Variants in FBXW12 observed in about 807,000 individuals in gnomAD.
FBXW12 encodes the protein F-box and WD repeat domain containing 12.
In FBXW12, 43 loss-of-function variants were observed where a neutral mutation model predicts 55.3. That is an observed-to-expected ratio of 0.78 (90% CI 0.61 to 1.00). FBXW12 has a LOEUF of 1.00. Ranked by LOEUF, FBXW12 falls within the 50% of genes least tolerant of loss-of-function variation. The pLI is 0.00. For missense variants in FBXW12, 524 were observed against 560.5 expected (o/e 0.93, Z 0.66); for synonymous variants, 184 against 203.8 (o/e 0.90, Z 0.83).
chr3:48,383,632 A>G (rs75785576), intron 10 of FBXW12, among the ~76,000 whole-genome samples: 3,233 of 152,308 alleles, frequency 0.021, 105 homozygotes, highest in African/African-American at 0.07. Context: ...GATTGTATCT[A>G]TGAAATCTTT....
In FBXW12 at chr3:48,378,412, A is replaced by T; in HGVS notation, c.501A>T (p.Lys167Asn). The change falls in exon 6 of 11, where the codon AAA becomes AAT. Residue 167 changes from lysine to asparagine, a missense_variant. Lys to Asn is a moderately conservative substitution (Grantham distance 94). Transcript: ENST00000296438. ...ATCTCGCCATCACTATGGATCGGAA[A>T]AAAACTATCAAAGTGTGGAACTGTC... ...QMHLAITMDRKKTIKVWNCQD... is the reference protein window; with the variant it reads ...QMHLAITMDRNKTIKVWNCQD... The T allele has an allele frequency of 6.2e-7, 1 of 1,614,036 alleles. No homozygotes were observed. Among genetic ancestry groups the T allele is most frequent in the East Asian group, 2.2e-5 (1 of 44,868 alleles).
intron 10 of FBXW12, among the ~76,000 whole-genome samples, chr3:48,382,847 T>G (rs2036797637): frequency 6.6e-6 from 1 of 152,236 alleles, no homozygotes; most frequent in African/African-American, 2.4e-5. Flanking sequence ...CTGCTTATAG[T>G]GCTTTTTTGG....
At chr3:48,381,472 G>T (rs935695418) in intron 8 of FBXW12, among the ~76,000 whole-genome samples, 17 of 152,120 alleles carry the variant, frequency 1.1e-4, no homozygotes, top group African/African-American at 4.1e-4. Context: ...CCAGGGGATT[G>T]TTTATTGTCC....
Position 48,382,044 on chromosome 3 carries a change from C to A in FBXW12, c.1254C>A (p.Cys418Ter). The A allele has an allele frequency of 3.7e-6, 6 of 1,614,178 alleles. No homozygotes were observed. The highest frequency in any genetic ancestry group is 5.1e-6 in the Non-Finnish European group (6 of 1,180,038). ...EGGRHPYLRSCCHLENTWHDH... is the reference protein window; with the variant it reads ...EGGRHPYLRS ...GCCGCCATCCATACCTCAGGAGCTG[C>A]TGTCACCTGGAAAACACGTGGCATG... The change falls in exon 10 of 11, where the codon TGC becomes TGA. Residue 418 changes from cysteine (C) to a stop codon, truncating the protein, a stop_gained. Transcript: ENST00000296438. LOFTEE classifies it low-confidence loss of function (END_TRUNC).
chr3:48,383,922 G>A (rs2036811721), intron 10 of FBXW12, among the ~76,000 whole-genome samples: 1 of 152,102 alleles, frequency 6.6e-6, no homozygotes, highest in Non-Finnish European at 1.5e-5. Flanking sequence ...ATCTATATAT[G>A]TATCTCTTAT....
rs28464683 is a variant in FBXW12, at chr3:48,394,710, G to C, written c.*51G>C. On this transcript the variant is annotated 3_prime_UTR_variant, in exon 11 of 11. Coordinates refer to ENST00000296438, the MANE Select transcript of FBXW12 (RefSeq NM_207102.2). ...GCATCATCTTCTGCAATGTAGTAAAGAAATTCTATTTGCAAGCCCAGAATG... is the reference window on the plus strand; with the variant it reads ...GCATCATCTTCTGCAATGTAGTAAACAAATTCTATTTGCAAGCCCAGAATG... 1 of 997,674 alleles carries C rather than the reference G, an allele frequency of 1.0e-6. No individual in the cohort carries two copies. The highest frequency in any genetic ancestry group is 1.5e-6 in the Non-Finnish European group (1 of 645,954). The allele number at this position is 997,674 out of a possible 1,614,324, so 61.8% of individuals were successfully genotyped here.
chr3:48,372,625 G>C, intron 1 of FBXW12, 59 bp from the exon 2 acceptor site: 3 of 1,559,552 alleles, frequency 1.9e-6, no homozygotes, highest in Non-Finnish European at 2.6e-6. Flanking sequence ...CCGGGAGTCT[G>C]CACACCTGCA....
At chr3:48,388,956 C>G (rs1475078313) in intron 10 of FBXW12, among the ~76,000 whole-genome samples, 1 of 152,124 alleles carries the variant, frequency 6.6e-6, no homozygotes, top group Non-Finnish European at 1.5e-5. Context: ...GAATTTATTC[C>G]TCCTGAAGAA....
chr3:48,389,705 C>T (rs1180311097), intron 10 of FBXW12, among the ~76,000 whole-genome samples: 1 of 152,174 alleles, frequency 6.6e-6, no homozygotes, highest in Non-Finnish European at 1.5e-5. Flanking sequence ...TTAGGTCCCA[C>T]TTACCGATTT....
In FBXW12 at chr3:48,394,557, C is replaced by T; in HGVS notation, c.1296-3C>T. On this transcript the variant is annotated splice_polypyrimidine_tract_variant and splice_region_variant and intron_variant, in intron 10 of 10. Coordinates refer to ENST00000296438, the MANE Select transcript of FBXW12 (RefSeq NM_207102.2). ...ACTGATGATCTTATTTTTCCATTGA[C>T]AGCTGCATCTCCAGTGTGATGTGTG... The T allele has an allele frequency of 2.5e-6, 4 of 1,569,250 alleles. No homozygotes were observed. Among genetic ancestry groups the T allele is most frequent in the Non-Finnish European group, 3.5e-6 (4 of 1,146,646 alleles).
chr3:48,379,644 C>T, intron 7 of FBXW12, 86 bp downstream of exon 7: 1 of 1,083,190 alleles, frequency 9.2e-7, no homozygotes, highest in Non-Finnish European at 1.4e-6. Flanking sequence ...TCAGTGAGGA[C>T]CAGGCACACT....
At chr3:48,383,030 C>A (rs1432933210) in intron 10 of FBXW12, among the ~76,000 whole-genome samples, 1 of 152,184 alleles carries the variant, frequency 6.6e-6, no homozygotes, top group Admixed American at 6.5e-5. Context: ...GTTTAAATTA[C>A]CATCGTATAT....
At chr3:48,373,825 T>G (rs550292599) in intron 4 of FBXW12, 120 bp downstream of exon 4, 2 of 938,678 alleles carry the variant, frequency 2.1e-6, no homozygotes, top group East Asian at 5.0e-5. Context: ...GAATTAAAAT[T>G]GAACCAGACT....
At chr3:48,373,045 G>C (rs1194269131) in intron 2 of FBXW12, among the ~76,000 whole-genome samples, 188 bp downstream of exon 2, 2 of 152,172 alleles carry the variant, frequency 1.3e-5, no homozygotes, top group African/African-American at 4.8e-5. Context: ...TGACTAAACA[G>C]TCCTTGAGGC....
At chr3:48,391,786 A>G (rs1328721884) in intron 10 of FBXW12, among the ~76,000 whole-genome samples, 4 of 152,150 alleles carry the variant, frequency 2.6e-5, no homozygotes, top group African/African-American at 9.7e-5. Context: ...GTGGGGAATC[A>G]TATTTATTGA....
At position 48,372,802 on chromosome 3, in the gene FBXW12, G is replaced by A. The variant is rs1185736560; in HGVS notation, c.35G>A (p.Arg12Gln). 4.3e-6 allele frequency: 7 copies of A among 1,614,060 alleles called. No homozygotes were observed. Among genetic ancestry groups the A allele is most frequent in the East Asian group, 4.5e-5 (2 of 44,898 alleles). Residue 12 changes from arginine to glutamine, a missense_variant, in exon 2 of 11, where the codon CGA (arginine) becomes CAA (glutamine). Arg to Gln is a conservative substitution (Grantham distance 43). Coordinates refer to ENST00000296438, the MANE Select transcript of FBXW12 (RefSeq NM_207102.2). The stretch of plus-strand genomic sequence containing the variant: ...CGATTGCCTGACTTAGCTTTGAAGC[G>A]AATCTTCTCTTTCCTGGACCTGTTC... Reference protein sequence around the residue: ...EIRLPDLALKRIFSFLDLFGL... With the variant: ...EIRLPDLALKQIFSFLDLFGL...
At chr3:48,377,272 C>T (rs988366046) in intron 5 of FBXW12, among the ~76,000 whole-genome samples, 1 of 152,188 alleles carries the variant, frequency 6.6e-6, no homozygotes, top group African/African-American at 2.4e-5. Flanking sequence ...CTGACCTGTG[C>T]AACCAATAGG....
intron 7 of FBXW12, 36 bp from the exon 8 acceptor site, chr3:48,380,666 C>G: frequency 1.3e-6 from 2 of 1,512,818 alleles, no homozygotes; most frequent in African/African-American, 2.7e-5. Context: ...GCTATAAGTT[C>G]CCTGCCCCTG....
chr3:48,384,567 G>A (rs2036819118), intron 10 of FBXW12, among the ~76,000 whole-genome samples: 1 of 152,160 alleles, frequency 6.6e-6, no homozygotes, highest in Admixed American at 6.5e-5. Context: ...TGGCACTGGA[G>A]TGGAGAGCCG....
Sources: gnomAD v4.1 joint callset for allele counts (sites outside exome capture counted in the v4.1 genomes callset) on GRCh38, gnomAD v4.1.1 for gene constraint, MANE v1.5 for transcripts, NCBI Gene and HGNC (gene_info 2026-07-23, HGNC 2026-07-21) for gene names.